MPC1: variants seen among roughly 807,000 people sequenced by gnomAD.
MPC1 encodes the protein HSPC040 protein.
MPC1 carries 6 observed loss-of-function variants against 13.9 expected under a neutral mutation model. The ratio of observed to expected loss-of-function variants is 0.43; its 90% CI spans 0.24 to 0.85. The LOEUF (loss-of-function observed/expected upper bound fraction) is 0.85. Among genes scored for constraint, MPC1 ranks in the 40% least tolerant of loss-of-function variants. MPC1 has a pLI of 0.24. For synonymous variants in MPC1, 47 were observed against 50.5 expected, an observed-to-expected ratio of 0.93 and a Z score of 0.29; for missense variants, 115 against 143.3, an observed-to-expected ratio of 0.80 and a Z score of 1.01.
At chr6:166,371,391 C>T (rs1367247250) in intron 1 of MPC1, among the ~76,000 whole-genome samples, 1 of 152,162 alleles carries the variant, frequency 6.6e-6, no homozygotes, top group African/African-American at 2.4e-5. Context: ...TATTGAGTTA[C>T]TTTTATTTCT....
At chr6:166,369,452 A>C (rs1779292543) in intron 2 of MPC1, 1 of 154,738 alleles carries the variant, frequency 6.5e-6, no homozygotes, top group Non-Finnish European at 1.5e-5. Flanking sequence ...GATGAGTGTT[A>C]GGTTATAGGA....
chr6:166,373,045 G>T (rs1779437222), intron 1 of MPC1, among the ~76,000 whole-genome samples: 1 of 152,036 alleles, frequency 6.6e-6, no homozygotes, highest in Non-Finnish European at 1.5e-5. Flanking sequence ...CCAAAGTACA[G>T]AAACCTTCCA....
chr6:166,369,125 C>T (rs1316605467), intron 2 of MPC1, among the ~76,000 whole-genome samples: 1 of 152,104 alleles, frequency 6.6e-6, no homozygotes, highest in Non-Finnish European at 1.5e-5. Flanking sequence ...AAGTATGGGC[C>T]GGGCATGGTG....
intron 1 of MPC1, among the ~76,000 whole-genome samples, chr6:166,377,840 TC>T (rs1779625480): frequency 1.3e-5 from 2 of 152,318 alleles, no homozygotes; most frequent in South Asian, 4.1e-4. Flanking sequence ...CTTCAACATT[TC>T]CAGCTTCATT....
At chr6:166,368,151 T>C (rs1042030806) in intron 2 of MPC1, among the ~76,000 whole-genome samples, 9 of 152,246 alleles carry the variant, frequency 5.9e-5, no homozygotes, top group Non-Finnish European at 1.3e-4. Context: ...TCAGACTGCA[T>C]GTTATCTAAG....
chr6:166,380,939 C>CAAAAAAAAAAAA (rs1175434820), intron 1 of MPC1, among the ~76,000 whole-genome samples: 146 of 47,562 alleles, frequency 3.1e-3, no homozygotes, highest in Non-Finnish European at 4.0e-3. Context: ...AACTCTGTCT[C>CAAAAAAAAAAAA]AAAAAAAAAA....
Position 166,365,688 on chromosome 6 carries a change from G to GAAAATCC in MPC1, c.306-242_306-236dup, listed in dbSNP as rs1321188776. Among the ~76,000 whole-genome samples the GAAAATCC allele has an allele frequency of 6.6e-6, 1 of 152,098 alleles. No homozygotes were observed. Among genetic ancestry groups the GAAAATCC allele is most frequent in the Non-Finnish European group, 1.5e-5 (1 of 68,012 alleles). On this transcript the variant is annotated intron_variant, in intron 4 of 4. Transcript: ENST00000360961. The surrounding 1 kb of genome is among the most constrained non-coding windows in gnomAD (Gnocchi z 4.2). ...TATACCAGTTGAACATCCCTAAACT[G>GAAAATCC]AAAATCCAAAATCCAAAATGCTCCA... is the stretch of plus-strand genomic sequence containing the variant.
chr6:166,382,418 C>G (rs1779828394), intron 1 of MPC1, among the ~76,000 whole-genome samples: 1 of 151,122 alleles, frequency 6.6e-6, no homozygotes, highest in African/African-American at 2.4e-5. Context: ...GAAGGGGACT[C>G]AATGTCACCC....
intron 1 of MPC1, among the ~76,000 whole-genome samples, chr6:166,375,086 C>A (rs954996287): frequency 6.6e-6 from 1 of 152,102 alleles, no homozygotes; most frequent in Non-Finnish European, 1.5e-5. Context: ...TACTTTGGGG[C>A]CATCATTAAA....
chr6:166,379,230 A>G (rs1024101483), intron 1 of MPC1, among the ~76,000 whole-genome samples: 4 of 152,198 alleles, frequency 2.6e-5, no homozygotes, highest in African/African-American at 4.8e-5. Context: ...ACAGTGGTTC[A>G]TGCCTATAAT....
Position 166,365,654 on chromosome 6 carries a change from T to C in MPC1, c.306-201A>G, listed in dbSNP as rs78713091. Among the ~76,000 whole-genome samples, 324 of 152,368 alleles carry C rather than the reference T, an allele frequency of 2.1e-3. 1 individual carries two copies. The highest frequency in any genetic ancestry group is 6.8e-3 in the Middle Eastern group (2 of 294). ...TTTCAGATTTTTTCAGATTTCGGAA[T>C]AACTGGATTATACCAGTTGAACATC... On this transcript the variant is annotated intron_variant, in intron 4 of 4. Transcript: ENST00000360961. The surrounding 1 kb of genome is among the most constrained non-coding windows in gnomAD (Gnocchi z 4.2).
intron 1 of MPC1, among the ~76,000 whole-genome samples, chr6:166,380,489 T>A (rs1239294992): frequency 6.6e-6 from 1 of 152,182 alleles, no homozygotes; most frequent in African/African-American, 2.4e-5. Context: ...TAAAGCTACA[T>A]AAAGTTAATT....
At chr6:166,369,124 C>G (rs918406605) in intron 2 of MPC1, among the ~76,000 whole-genome samples, 1 of 152,176 alleles carries the variant, frequency 6.6e-6, no homozygotes, top group Non-Finnish European at 1.5e-5. Flanking sequence ...TAAGTATGGG[C>G]CGGGCATGGT....
At chr6:166,366,128 A>G in intron 3 of MPC1, 22 bp from the exon 4 acceptor site, 1 of 1,610,200 alleles carries the variant, frequency 6.2e-7, no homozygotes, top group Non-Finnish European at 8.5e-7. Context: ...AGCAGAGCAA[A>G]GACAATCAAT....
chr6:166,366,339 T>G (rs576094673), intron 3 of MPC1, among the ~76,000 whole-genome samples: 5 of 152,348 alleles, frequency 3.3e-5, no homozygotes, highest in African/African-American at 9.6e-5. Flanking sequence ...GGAACATATT[T>G]CCGAGCAAGA....
In MPC1 at chr6:166,365,909, T is replaced by C; in HGVS notation, c.305+65A>G. On this transcript the variant is annotated intron_variant, in intron 4 of 4. Coordinates refer to ENST00000360961, the MANE Select transcript of MPC1 (RefSeq NM_016098.4). This position sits in a 1 kb window ranked among gnomAD's most constrained non-coding sequence, Gnocchi z 4.2. ...CGCAGCACTCCCTCAGAAAAGATTT[T>C]AGTTTCACTCTCCCCAATTCCTCAA... 6.3e-7 allele frequency: 1 copy of C among 1,580,554 alleles called. No individual in the cohort carries two copies. The highest frequency in any genetic ancestry group is 8.6e-7 in the Non-Finnish European group (1 of 1,159,502).
intron 2 of MPC1, chr6:166,367,213 A>G: frequency 8.8e-7 from 1 of 1,131,796 alleles, no homozygotes; most frequent in Non-Finnish European, 1.1e-6. Context: ...AATAAAAATA[A>G]GATTCACTTC....
chr6:166,382,181 C>G (rs1029123821), intron 1 of MPC1, among the ~76,000 whole-genome samples: 3 of 152,250 alleles, frequency 2.0e-5, no homozygotes, highest in Non-Finnish European at 2.9e-5. Flanking sequence ...GAGGAACGAG[C>G]CTCTGTCACC....
At chr6:166,375,725 T>C (rs1779545495) in intron 1 of MPC1, among the ~76,000 whole-genome samples, 1 of 152,258 alleles carries the variant, frequency 6.6e-6, no homozygotes, top group Non-Finnish European at 1.5e-5. Context: ...CGTTAGTGAC[T>C]TCTAGTTGAA....
Sources: allele counts gnomAD v4.1 joint callset (sites outside exome capture counted in the v4.1 genomes callset), GRCh38; gene constraint gnomAD v4.1.1; non-coding constraint Gnocchi (gnomAD v3.1); transcripts MANE v1.5; gene names NCBI Gene and HGNC (gene_info 2026-07-23, HGNC 2026-07-21).